NTRK3: variants seen among roughly 807,000 people sequenced by gnomAD.
NTRK3 encodes the protein NT-3 growth factor receptor.
NTRK3 carries 24 observed loss-of-function variants against 91.7 expected under a neutral mutation model. That is an observed-to-expected ratio of 0.26 (90% confidence interval 0.19 to 0.37). The LOEUF (loss-of-function observed/expected upper bound fraction) is 0.37. NTRK3 is among the 10% of genes least tolerant of loss of function. NTRK3 has a pLI of 1.00. For missense variants in NTRK3, 880 were observed against 1,068.9 expected, an observed-to-expected ratio of 0.82 and a Z score of 2.46; for synonymous variants, 483 against 404.0, an observed-to-expected ratio of 1.20 and a Z score of -2.34.
chr15:87,928,850 T>C (rs749343535), intron 17 of NTRK3: 24 of 478,720 alleles, frequency 5.0e-5, no homozygotes, highest in Non-Finnish European at 7.9e-5. Flanking sequence ...AAGTTGGGTG[T>C]GTCTGTGTGT....
At chr15:87,984,862 G>C (rs1028150533) in intron 14 of NTRK3, among the ~76,000 whole-genome samples, 4 of 152,136 alleles carry the variant, frequency 2.6e-5, no homozygotes, top group Non-Finnish European at 2.9e-5. Context: ...GTGTTCTCCA[G>C]CTTGCCATAT....
intron 13 of NTRK3, among the ~76,000 whole-genome samples, chr15:88,036,098 A>C (rs2079046488): frequency 6.6e-6 from 1 of 152,198 alleles, no homozygotes; most frequent in South Asian, 2.1e-4. Context: ...ATGAATGGAA[A>C]ACTGAAAAAC....
exon 19 of NTRK3, chr15:87,863,817 T>C (rs1290041021): frequency 1.3e-5 from 3 of 231,748 alleles, no homozygotes; most frequent in Non-Finnish European, 2.6e-5. Flanking sequence ...GGTAAAACTT[T>C]GCCATGAACT....
chr15:88,165,641 A>G (rs1273818959), intron 5 of NTRK3, among the ~76,000 whole-genome samples: 1 of 152,194 alleles, frequency 6.6e-6, no homozygotes, highest in Non-Finnish European at 1.5e-5. Context: ...CTTTAAAGAT[A>G]TTTGTCCACT....
At chr15:87,893,166 T>C (rs183439698) in intron 17 of NTRK3, among the ~76,000 whole-genome samples, 1 of 152,244 alleles carries the variant, frequency 6.6e-6, no homozygotes, top group East Asian at 1.9e-4. Flanking sequence ...AGAGTCCTGC[T>C]CCTCTTGTCT....
intron 3 of NTRK3, among the ~76,000 whole-genome samples, chr15:88,206,510 T>C (rs1239220254): frequency 7.1e-6 from 1 of 141,392 alleles, no homozygotes; most frequent in Non-Finnish European, 1.5e-5. Flanking sequence ...TACAAAAAAT[T>C]AGCCGGGCGC....
At chr15:88,205,589 G>A (rs1052056372) in intron 3 of NTRK3, among the ~76,000 whole-genome samples, 2 of 152,136 alleles carry the variant, frequency 1.3e-5, no homozygotes, top group African/African-American at 2.4e-5. Flanking sequence ...TCTATTTCCT[G>A]AGCACTGAAA....
chr15:88,204,508 C>T (rs1461384376), intron 3 of NTRK3, among the ~76,000 whole-genome samples: 1 of 152,184 alleles, frequency 6.6e-6, no homozygotes, highest in East Asian at 1.9e-4. Flanking sequence ...ACAAACTCTT[C>T]CTTTGATGCC....
At chr15:88,107,808 C>T (rs2050878383) in intron 13 of NTRK3, among the ~76,000 whole-genome samples, 1 of 152,074 alleles carries the variant, frequency 6.6e-6, no homozygotes, top group African/African-American at 2.4e-5. Context: ...ATAGAATGTA[C>T]TATCATCACT....
At chr15:88,151,272 G>A (rs951830118) in intron 5 of NTRK3, among the ~76,000 whole-genome samples, 3 of 152,084 alleles carry the variant, frequency 2.0e-5, no homozygotes, top group African/African-American at 7.2e-5. Flanking sequence ...TGCAAAACTG[G>A]CCCTCTCACA....
rs186077261 is a variant in NTRK3, at chr15:88,217,044, G to A, written c.249-32745C>T. Among the ~76,000 whole-genome samples the A allele has an allele frequency of 2.0e-4, 30 of 152,212 alleles. No homozygotes were observed. The East Asian group carries it at 4.0e-3, about 21-fold the overall frequency. On this transcript the variant is annotated intron_variant, in intron 3 of 18. Coordinates refer to ENST00000394480, the Ensembl canonical transcript of NTRK3. ...CATACTTGACATCACTAATCATTACGGAAATGCACATCAAAACCATGAGAT... is the reference window on the plus strand; with the variant it reads ...CATACTTGACATCACTAATCATTACAGAAATGCACATCAAAACCATGAGAT...
At chr15:88,188,237 G>T (rs963992876) in intron 3 of NTRK3, among the ~76,000 whole-genome samples, 1 of 152,200 alleles carries the variant, frequency 6.6e-6, no homozygotes, top group Non-Finnish European at 1.5e-5. Context: ...GAGAAAGAGG[G>T]CAAAGGGGTG....
intron 14 of NTRK3, among the ~76,000 whole-genome samples, chr15:87,998,692 T>C (rs539479204): frequency 6.6e-6 from 1 of 152,098 alleles, no homozygotes; most frequent in African/African-American, 2.4e-5. Context: ...AAACAGCAAA[T>C]AGAGAAACTT....
At chr15:87,899,430 T>A (rs190444031) in intron 17 of NTRK3, among the ~76,000 whole-genome samples, 1 of 147,136 alleles carries the variant, frequency 6.8e-6, no homozygotes, top group African/African-American at 2.5e-5. Flanking sequence ...GCCCCTTTCA[T>A]GAAGCATTCG....
intron 3 of NTRK3, among the ~76,000 whole-genome samples, chr15:88,206,342 TCA>T (rs2048764093): frequency 8.6e-6 from 1 of 116,500 alleles, no homozygotes; most frequent in Non-Finnish European, 1.7e-5. Flanking sequence ...AGACTCCATC[TCA>T]AAAAAAAAAA....
chr15:87,979,022 G>C, intron 14 of NTRK3: 4 of 431,634 alleles, frequency 9.3e-6, no homozygotes, highest in Non-Finnish European at 1.7e-5. Context: ...TAAAGCAAGA[G>C]AATGGCTAGT....
chr15:87,991,099 T>C (rs2075252423), intron 14 of NTRK3, among the ~76,000 whole-genome samples: 1 of 152,182 alleles, frequency 6.6e-6, no homozygotes, highest in Non-Finnish European at 1.5e-5. Context: ...TGTGGCACCT[T>C]GACCATCCCA....
intron 14 of NTRK3, among the ~76,000 whole-genome samples, chr15:87,990,164 T>C (rs1473344340): frequency 6.6e-6 from 1 of 152,166 alleles, no homozygotes; most frequent in Non-Finnish European, 1.5e-5. Context: ...AGTCAGTTCA[T>C]GGTCTCAAAG....
At chr15:87,873,209 CCAAAGATCCT>C (rs566117642) in exon 19 of NTRK3, 57 of 231,718 alleles carry the variant, frequency 2.5e-4, no homozygotes, top group African/African-American at 5.7e-4. Context: ...CCCAGAAGGA[CCAAAGATCCT>C]TTGCCTCAAG....
Sources: gnomAD v4.1 joint callset for allele counts (sites outside exome capture counted in the v4.1 genomes callset) on GRCh38, gnomAD v4.1.1 for gene constraint, MANE v1.5 for transcripts, NCBI Gene and HGNC (gene_info 2026-07-23, HGNC 2026-07-21) for gene names.